EFHB: variants seen among roughly 807,000 people sequenced by gnomAD.
EFHB encodes the protein EF-hand domain-containing family member B.
Under a neutral mutation model 87.2 loss-of-function variants are expected in EFHB, and 91 were observed. The ratio of observed to expected loss-of-function variants is 1.04; its 90% CI spans 0.88 to 1.24. EFHB has a LOEUF of 1.24. EFHB is among the 50% of genes most tolerant of loss of function. The probability of loss-of-function intolerance (pLI) is 0.00; values close to 1 mark genes in which losing one functional copy is unlikely to be tolerated. For missense variants in EFHB, 1,084 were observed against 998.8 expected, an observed-to-expected ratio of 1.09 and a Z score of -1.15; for synonymous variants, 325 against 333.6, an observed-to-expected ratio of 0.97 and a Z score of 0.28.
Position 19,939,668 on chromosome 3 carries a change from A to C in EFHB, c.-31-3334T>G, listed in dbSNP as rs193301169. 3.3e-5 allele frequency among the ~76,000 whole-genome samples: 5 copies of C among 151,392 alleles called. No homozygotes were observed. The South Asian group carries it at 8.3e-4, about 25-fold the overall frequency. ...CAGAGTGCTGGGATTACAGGCGTGA[A>C]CCACCGCACCCGCCCATGGGTCTCC... On this transcript the variant is annotated intron_variant, in intron 1 of 14. Coordinates refer to the EFHB transcript ENST00000344838.
intron 1 of EFHB, chr3:19,940,701 CTCT>C (rs1260476067): frequency 5.7e-6 from 2 of 350,226 alleles, no homozygotes; most frequent in Admixed American, 3.7e-5. Context: ...TTTTCCTGTA[CTCT>C]TGTGCACAGC....
chr3:19,944,055 A>G (rs1696218175), intron 1 of EFHB, among the ~76,000 whole-genome samples: 1 of 152,242 alleles, frequency 6.6e-6, no homozygotes, highest in South Asian at 2.1e-4. Context: ...AAGCTTTTGA[A>G]ACATGACTAG....
At chr3:19,899,379 T>G in intron 7 of EFHB, 53 bp downstream of exon 7, 3 of 1,351,074 alleles carry the variant, frequency 2.2e-6, no homozygotes, top group Non-Finnish European at 3.1e-6. Context: ...ACAAGAGTAT[T>G]TTTTAAATTC....
At chr3:19,926,170 T>A (rs765290040) in intron 1 of EFHB, among the ~76,000 whole-genome samples, 2 of 152,128 alleles carry the variant, frequency 1.3e-5, no homozygotes, top group African/African-American at 4.8e-5. Flanking sequence ...TCTACTAGTA[T>A]AGAACAGGAA....
chr3:19,937,406 TACAG>T (rs1174935983), upstream of EFHB, among the ~76,000 whole-genome samples: 2 of 152,170 alleles, frequency 1.3e-5, no homozygotes, highest in Non-Finnish European at 2.9e-5. Context: ...TTTAAACTGC[TACAG>T]ACAGTCATAT....
At chr3:19,923,438 A>G (rs557294042) in intron 1 of EFHB, among the ~76,000 whole-genome samples, 1 of 152,182 alleles carries the variant, frequency 6.6e-6, no homozygotes, top group African/African-American at 2.4e-5. Context: ...GCTCACTGCA[A>G]CCTCTGCCTT....
chr3:19,939,630 C>A (rs1467052623), intron 1 of EFHB, among the ~76,000 whole-genome samples: 1 of 151,894 alleles, frequency 6.6e-6, no homozygotes, highest in Non-Finnish European at 1.5e-5. Flanking sequence ...GTGATCCGCC[C>A]GCCTCGACCT....
At chr3:19,926,976 A>G (rs1383194432) in intron 1 of EFHB, among the ~76,000 whole-genome samples, 1 of 151,956 alleles carries the variant, frequency 6.6e-6, no homozygotes, top group East Asian at 1.9e-4. Context: ...TTGTTTTTTA[A>G]ATAGGATCTC....
chr3:19,928,353 T>G (rs1210772922), intron 1 of EFHB, among the ~76,000 whole-genome samples: 3 of 152,220 alleles, frequency 2.0e-5, no homozygotes, highest in Admixed American at 1.3e-4. Flanking sequence ...TGGATACAAG[T>G]GTTCTTAACT....
At chr3:19,908,602 A>AGAG (rs1559459816) in intron 5 of EFHB, among the ~76,000 whole-genome samples, 51 of 77,238 alleles carry the variant, frequency 6.6e-4, no homozygotes, top group African/African-American at 1.0e-3. Context: ...GAGAGAGAGA[A>AGAG]AGAAAGAAAG....
In EFHB at chr3:19,918,327, C is replaced by T. The variant is rs138981233; in HGVS notation, c.1082G>A (p.Arg361Gln). ...DKKESIYLSN[R>Q]RAPLGKSHDQ... ...GTGAGATTTTCCTAATGGTGCTCGT[C>T]GATTGCTAAGATATATAGATTCTTT... The change falls in exon 4 of 13, where the codon CGA (arginine) becomes CAA (glutamine). Residue 361 changes from arginine to glutamine, a missense_variant. Coordinates refer to ENST00000295824, the MANE Select transcript of EFHB (RefSeq NM_144715.4). The T allele has an allele frequency of 3.0e-5, 49 of 1,612,864 alleles. No homozygotes were observed. Among genetic ancestry groups the T allele is most frequent in the Middle Eastern group, 3.3e-4 (2 of 6,082 alleles).
chr3:19,942,700 A>G (rs764813089), intron 1 of EFHB, among the ~76,000 whole-genome samples: 1 of 152,166 alleles, frequency 6.6e-6, no homozygotes, highest in Non-Finnish European at 1.5e-5. Flanking sequence ...AGAGAGTGAC[A>G]GATCATCAGG....
rs190689370 is a variant in EFHB at position 19,893,614 on chromosome 3, G to A, written c.1725+3073C>T. Among the ~76,000 whole-genome samples the A allele has an allele frequency of 3.2e-3, 491 of 152,300 alleles. 4 individuals carry two copies. Among genetic ancestry groups the A allele is most frequent in the South Asian group, 0.017 (83 of 4,822 alleles). On this transcript the variant is annotated intron_variant, in intron 9 of 12. Coordinates refer to ENST00000295824, the MANE Select transcript of EFHB (RefSeq NM_144715.4). ...CTCTCAAACTGTTGGTGACACCTTAGTTTTAACTGACTGCCAGGCAGTTCT... is the reference window on the plus strand; with the variant it reads ...CTCTCAAACTGTTGGTGACACCTTAATTTTAACTGACTGCCAGGCAGTTCT...
chr3:19,903,038 A>C (rs1302242670), intron 6 of EFHB, among the ~76,000 whole-genome samples: 2 of 151,960 alleles, frequency 1.3e-5, no homozygotes, highest in Admixed American at 1.3e-4. Flanking sequence ...TTAGCCAGGC[A>C]TGGTGGCACA....
chr3:19,923,679 T>A (rs62279142), intron 1 of EFHB, among the ~76,000 whole-genome samples: 1 of 152,056 alleles, frequency 6.6e-6, no homozygotes, highest in Non-Finnish European at 1.5e-5. Flanking sequence ...CCAGCCTGCC[T>A]AATGTTTTAA....
intron 9 of EFHB, among the ~76,000 whole-genome samples, chr3:19,895,353 G>A (rs916720060): frequency 6.6e-6 from 1 of 151,616 alleles, no homozygotes; most frequent in Non-Finnish European, 1.5e-5. Flanking sequence ...CTGGTGGCGG[G>A]CACCTGTAGT....
Position 19,905,626 on chromosome 3 carries a change from A to T in EFHB, c.1412T>A (p.Leu471Gln), listed in dbSNP as rs1485683439. Residue 471 changes from leucine (L) to glutamine (Q), a missense_variant, in exon 6 of 13, where the codon CTA becomes CAA. By Grantham distance (113) the Leu-to-Gln change is moderately radical. Transcript: ENST00000295824. ...ACAGTATAATTAAACTTACATTTGT[A>T]GTTCATGGAGCCAATATAGAGATTT... ...MAKSLYWLHELQMKRGAKFVS... is the reference protein window; with the variant it reads ...MAKSLYWLHEQQMKRGAKFVS... 1 of 1,613,390 alleles carries T rather than the reference A, an allele frequency of 6.2e-7. No individual in the cohort carries two copies. The highest frequency in any genetic ancestry group is 1.7e-5 in the Admixed American group (1 of 59,996).
At chr3:19,933,185 G>A (rs1170115531) in intron 1 of EFHB, 45 bp downstream of exon 1, 5 of 1,544,834 alleles carry the variant, frequency 3.2e-6, no homozygotes, top group Non-Finnish European at 4.4e-6. Flanking sequence ...ATAAAGACAT[G>A]GCTATACACA....
intron 3 of EFHB, among the ~76,000 whole-genome samples, chr3:19,919,205 G>A (rs1165827772): frequency 6.6e-6 from 1 of 150,864 alleles, no homozygotes; most frequent in African/African-American, 2.4e-5. Flanking sequence ...TTGTTTGTTT[G>A]TTTGTTTTTG....
Sources: allele counts gnomAD v4.1 joint callset (sites outside exome capture counted in the v4.1 genomes callset), GRCh38; gene constraint gnomAD v4.1.1; transcripts MANE v1.5; gene names NCBI Gene and HGNC (gene_info 2026-07-23, HGNC 2026-07-21).